Variants in HPS5 observed in about 807,000 individuals in gnomAD.
HPS5 encodes the protein BLOC-2 complex member HPS5.
A neutral mutation model predicts 128.0 loss-of-function variants in HPS5; 83 were observed. The observed-to-expected ratio is 0.65, with a 90% CI of 0.54 to 0.78. The LOEUF (loss-of-function observed/expected upper bound fraction) is 0.78. HPS5 is among the 30% of genes least tolerant of loss of function. The pLI is 0.00. For missense variants in HPS5, 1,281 were observed against 1,326.2 expected, an observed-to-expected ratio of 0.97 and a Z score of 0.53; for synonymous variants, 475 against 470.2, an observed-to-expected ratio of 1.01 and a Z score of -0.13.
At chr11:18,311,508 A>ATTTTTTTTTTTT (rs778669578) in intron 3 of HPS5, 57 bp from the exon 4 acceptor site, 7 of 780,146 alleles carry the variant, frequency 9.0e-6, no homozygotes, top group Non-Finnish European at 7.4e-6. Flanking sequence ...TATTATTATT[A>ATTTTTTTTTTTT]TTATTTTTTT....
In HPS5 at chr11:18,321,963, C is replaced by T. The variant is rs1242353285; in HGVS notation, c.-67G>A. 5 of 152,284 alleles carry T rather than the reference C, an allele frequency of 3.3e-5. No individual in the cohort carries two copies. The highest frequency in any genetic ancestry group is 4.8e-5 in the African/African-American group (2 of 41,436). The allele number at this position is 152,284 out of a possible 1,614,324, so 9.4% of individuals were successfully genotyped here. On this transcript the variant is annotated 5_prime_UTR_variant, in exon 1 of 23. Transcript: ENST00000349215. The stretch of plus-strand genomic sequence containing the variant: ...ACTACTACCTTTTTAACAGCAGTAA[C>T]TTTAATATCTTGAGATTTCTTGAGA...
intron 6 of HPS5, among the ~76,000 whole-genome samples, chr11:18,307,821 A>G (rs563139275): frequency 6.6e-6 from 1 of 152,250 alleles, no homozygotes; most frequent in South Asian, 2.1e-4. Context: ...ACATAAGTAT[A>G]TATTTTATTA....
chr11:18,287,956 C>G lies in HPS5; in HGVS notation c.2498G>C (p.Arg833Thr), dbSNP rs1289700206. ...AACCTCGTCATCTAGTAACTTTAACCTTGTTGGTAGATCTCCTTTTTCCAT... is the reference window on the plus strand; with the variant it reads ...AACCTCGTCATCTAGTAACTTTAACGTTGTTGGTAGATCTCCTTTTTCCAT... ...MEMEKGDLPT[R>T]LKLLDDEVPF... is the part of the protein sequence containing the mutation. The change falls in exon 17 of 23, where the codon AGG becomes ACG. Residue 833 changes from arginine to threonine, a missense_variant. Coordinates refer to ENST00000349215, the MANE Select transcript of HPS5 (RefSeq NM_181507.2). The G allele has an allele frequency of 1.2e-6, 2 of 1,613,800 alleles. No individual in the cohort carries two copies. The highest frequency in any genetic ancestry group is 1.7e-6 in the Non-Finnish European group (2 of 1,179,886).
At chr11:18,306,411 T>A in intron 6 of HPS5, 64 bp from the exon 7 acceptor site, 1 of 1,082,166 alleles carries the variant, frequency 9.2e-7, no homozygotes, top group Non-Finnish European at 1.4e-6. Flanking sequence ...ACAACGGCAC[T>A]ACAAATCAGC....
intron 22 of HPS5, 122 bp from the exon 23 acceptor site, chr11:18,280,064 A>T: frequency 2.2e-6 from 2 of 926,002 alleles, no homozygotes; most frequent in Non-Finnish European, 3.5e-6. Flanking sequence ...GCATTAAAAG[A>T]CACAATGCAC....
intron 12 of HPS5, 109 bp downstream of exon 12, chr11:18,296,689 A>G: frequency 9.8e-7 from 1 of 1,016,696 alleles, no homozygotes; most frequent in Non-Finnish European, 1.6e-6. Context: ...AACATGTTAA[A>G]AATTATTAAC....
chr11:18,282,654 C>T (rs1252524039), intron 21 of HPS5, among the ~76,000 whole-genome samples: 1 of 152,032 alleles, frequency 6.6e-6, no homozygotes, highest in Non-Finnish European at 1.5e-5. Flanking sequence ...ACAGAAGAGA[C>T]ACAATCCCTG....
rs1331807566 is a variant in HPS5 at position 18,295,087 on chromosome 11, T to C, written c.1717A>G (p.Arg573Gly). The change falls in exon 14 of 23, where the codon AGG becomes GGG. Residue 573 changes from arginine to glycine, a missense_variant. By Grantham distance (125) the Arg-to-Gly change is moderately radical (BLOSUM62 -2). Transcript: ENST00000349215. ...SPDLKVRPEL[R>G]GDEQSCEEDV... The stretch of plus-strand genomic sequence containing the variant: ...TCTTCACATGATTGCTCATCACCCC[T>C]GAGCTCTGGTCTCACTTTCAGATCA... The C allele has an allele frequency of 2.5e-6, 4 of 1,614,084 alleles. No homozygotes were observed. The highest frequency in any genetic ancestry group is 1.3e-5 in the African/African-American group (1 of 74,938).
chr11:18,295,407 A>G (rs1354061796), intron 13 of HPS5, among the ~76,000 whole-genome samples: 1 of 152,230 alleles, frequency 6.6e-6, no homozygotes, highest in Non-Finnish European at 1.5e-5. Context: ...AGCGCTAAAG[A>G]AAAGGTCTTT....
At chr11:18,310,377 A>T (rs887516268) in intron 5 of HPS5, among the ~76,000 whole-genome samples, 3 of 152,250 alleles carry the variant, frequency 2.0e-5, no homozygotes, top group Non-Finnish European at 4.4e-5. Flanking sequence ...AAGCCTGGGC[A>T]ATTGGTGTCA....
intron 9 of HPS5, 94 bp downstream of exon 9, chr11:18,300,734 A>T (rs2134374060): frequency 8.3e-6 from 5 of 604,588 alleles, no homozygotes; most frequent in Non-Finnish European, 5.9e-6. Flanking sequence ...ATCCCATCCT[A>T]TTTTTCAACT....
At chr11:18,281,858 G>A (rs1590041245) in intron 22 of HPS5, 92 bp downstream of exon 22, 2 of 1,421,280 alleles carry the variant, frequency 1.4e-6, no homozygotes, top group Middle Eastern at 1.8e-4. Flanking sequence ...GTGATGGGTC[G>A]GGACTAAATG....
At chr11:18,283,723 T>G in intron 21 of HPS5, 72 bp downstream of exon 21, 1 of 1,000,360 alleles carries the variant, frequency 1.0e-6, no homozygotes, top group Non-Finnish European at 1.6e-6. Context: ...GTTCACCAAA[T>G]TTTTTTGTTG....
At chr11:18,281,798 C>T in intron 22 of HPS5, 152 bp downstream of exon 22, 1 of 871,496 alleles carries the variant, frequency 1.1e-6, no homozygotes, top group South Asian at 1.4e-5. Flanking sequence ...TGAAATATTA[C>T]TTTAGCCTCT....
rs1419819425 is a variant in HPS5 at position 18,286,863 on chromosome 11, G to A, written c.2718-153C>T. On this transcript the variant is annotated intron_variant, in intron 18 of 22. Coordinates refer to ENST00000349215, the MANE Select transcript of HPS5 (RefSeq NM_181507.2). Reference sequence around the variant, plus strand: ...TGCTACAAAATGTCTAGAAATGCTGGTGACCAAGCTCCAAGATAACAAAGA... The same window carrying A: ...TGCTACAAAATGTCTAGAAATGCTGATGACCAAGCTCCAAGATAACAAAGA... 1.8e-5 allele frequency: 17 copies of A among 951,734 alleles called. 1 individual carries two copies. The highest frequency in any genetic ancestry group is 6.1e-5 in the South Asian group (4 of 66,034). The allele number at this position is 951,734 out of a possible 1,614,324, so 59.0% of individuals were successfully genotyped here.
At chr11:18,314,001 G>A (rs1297049852) in intron 2 of HPS5, among the ~76,000 whole-genome samples, 1 of 151,798 alleles carries the variant, frequency 6.6e-6, no homozygotes, top group East Asian at 1.9e-4. Context: ...ACTGAGCCCA[G>A]GAGTTTGAGA....
chr11:18,303,499 T>C (rs745778678), intron 8 of HPS5, among the ~76,000 whole-genome samples: 1 of 152,214 alleles, frequency 6.6e-6, no homozygotes, highest in East Asian at 1.9e-4. Flanking sequence ...TTGTCTACCA[T>C]GGTAGGGACT....
At chr11:18,318,991 G>T (rs1317504332) in intron 1 of HPS5, among the ~76,000 whole-genome samples, 1 of 151,580 alleles carries the variant, frequency 6.6e-6, no homozygotes, top group Non-Finnish European at 1.5e-5. Flanking sequence ...CTTATTTTCT[G>T]CTAGTAACAC....
rs142403518 is a variant in HPS5, at chr11:18,321,968, A to G, written c.-72T>C. 1.1e-4 allele frequency: 17 copies of G among 152,402 alleles called. No individual in the cohort carries two copies. Among genetic ancestry groups the G allele is most frequent in the African/African-American group, 3.6e-4 (15 of 41,562 alleles). The allele number at this position is 152,402 out of a possible 1,614,324, so 9.4% of individuals were successfully genotyped here. ...TACCTTTTTAACAGCAGTAACTTTAATATCTTGAGATTTCTTGAGAGGAGA... is the reference window on the plus strand; with the variant it reads ...TACCTTTTTAACAGCAGTAACTTTAGTATCTTGAGATTTCTTGAGAGGAGA... On this transcript the variant is annotated 5_prime_UTR_variant, in exon 1 of 23. Coordinates refer to ENST00000349215, the MANE Select transcript of HPS5 (RefSeq NM_181507.2).
Sources: allele counts gnomAD v4.1 joint callset (sites outside exome capture counted in the v4.1 genomes callset), GRCh38; gene constraint gnomAD v4.1.1; transcripts MANE v1.5; gene names NCBI Gene and HGNC (gene_info 2026-07-23, HGNC 2026-07-21).